Variants in VAV3 observed in about 807,000 individuals in gnomAD.
VAV3 encodes the protein vav guanine nucleotide exchange factor 3.
VAV3 carries 94 observed loss-of-function variants against 131.2 expected under a neutral mutation model. The ratio of observed to expected loss-of-function variants is 0.72; its 90% confidence interval spans 0.61 to 0.85. The LOEUF is 0.85. Ranked by LOEUF, VAV3 falls within the 40% of genes least tolerant of loss-of-function variation. The pLI is 0.00. For missense variants in VAV3, 939 were observed against 1,002.7 expected (o/e 0.94, Z 0.86); for synonymous variants, 349 against 342.0 (o/e 1.02, Z -0.22).
At chr1:107,667,589 GATT>G (rs1657502058) in intron 19 of VAV3, among the ~76,000 whole-genome samples, 1 of 151,748 alleles carries the variant, frequency 6.6e-6, no homozygotes, top group African/African-American at 2.4e-5. Context: ...TTTATGTTAG[GATT>G]ATTATACACA....
chr1:107,657,927 C>T (rs1192790328), intron 19 of VAV3, among the ~76,000 whole-genome samples: 1 of 152,028 alleles, frequency 6.6e-6, no homozygotes, highest in African/African-American at 2.4e-5. Context: ...ATTAGTACAG[C>T]CATACGAGAG....
At chr1:107,849,242 C>CAA (rs201705921) in intron 2 of VAV3, among the ~76,000 whole-genome samples, 12 of 134,394 alleles carry the variant, frequency 8.9e-5, no homozygotes, top group Non-Finnish European at 1.3e-4. Flanking sequence ...CATATGCAAC[C>CAA]AAAAAAAAAA....
At chr1:107,727,559 CCAATTA>C (rs1211125836) in intron 15 of VAV3, among the ~76,000 whole-genome samples, 1 of 152,144 alleles carries the variant, frequency 6.6e-6, no homozygotes, top group African/African-American at 2.4e-5. Flanking sequence ...AATTTAAAAA[CCAATTA>C]CAAACAGTCT....
At chr1:107,639,311 A>G (rs1374903812) in intron 20 of VAV3, among the ~76,000 whole-genome samples, 3 of 152,150 alleles carry the variant, frequency 2.0e-5, no homozygotes, top group Non-Finnish European at 4.4e-5. Flanking sequence ...CCATATAAAG[A>G]ACAAATTAAC....
chr1:107,933,259 GGTGGTGGT>G (rs1430162317), intron 1 of VAV3, among the ~76,000 whole-genome samples: 1 of 150,698 alleles, frequency 6.6e-6, no homozygotes, highest in African/African-American at 2.4e-5. Context: ...TAATTTGGTT[GGTGGTGGT>G]GTGGTGGTTT....
intron 15 of VAV3, among the ~76,000 whole-genome samples, chr1:107,725,230 T>C (rs1661769081): frequency 2.0e-5 from 3 of 152,128 alleles, no homozygotes; most frequent in Admixed American, 2.0e-4. Context: ...AAGCTAACAG[T>C]AGCCCAGGAG....
At chr1:107,682,601 T>C (rs1658720185) in intron 19 of VAV3, among the ~76,000 whole-genome samples, 1 of 152,160 alleles carries the variant, frequency 6.6e-6, no homozygotes, top group Non-Finnish European at 1.5e-5. Context: ...CTCCTATAAA[T>C]CTTAAACAGC....
chr1:107,857,226 G>A (rs528372882), intron 2 of VAV3, among the ~76,000 whole-genome samples: 5 of 152,044 alleles, frequency 3.3e-5, no homozygotes, highest in Admixed American at 2.0e-4. Context: ...AGAAAAACAC[G>A]AAAAGGCTAC....
rs1461489676 is a variant in VAV3, at chr1:107,965,028, G to A, written c.-159C>T. On this transcript the variant is annotated 5_prime_UTR_variant, in exon 1 of 27. Transcript: ENST00000370056. ...GCAGGAGCCGCGGCTGACGGGTCGCGGGCGCCGCGCTAGGCTCGGCTCCGG... is the reference window on the plus strand; with the variant it reads ...GCAGGAGCCGCGGCTGACGGGTCGCAGGCGCCGCGCTAGGCTCGGCTCCGG... 1.3e-5 allele frequency: 6 copies of A among 448,154 alleles called. No individual in the cohort carries two copies. Among genetic ancestry groups the A allele is most frequent in the African/African-American group, 2.1e-5 (1 of 46,684 alleles). 27.8% of individuals were successfully genotyped at this position (448,154 alleles called of 1,614,324 possible). A position where few individuals can be genotyped will look rare whatever the true frequency, so the allele number is the denominator to read the frequency against.
At chr1:107,910,507 A>AG (rs983487176) in intron 1 of VAV3, among the ~76,000 whole-genome samples, 34 of 152,394 alleles carry the variant, frequency 2.2e-4, no homozygotes, top group African/African-American at 7.7e-4. Flanking sequence ...GACAGCTGAC[A>AG]GCAAGGGAAA....
At chr1:107,915,060 C>A (rs959464257) in intron 1 of VAV3, among the ~76,000 whole-genome samples, 38 of 152,164 alleles carry the variant, frequency 2.5e-4, no homozygotes, top group Admixed American at 2.4e-3. Flanking sequence ...GTAGGCCCAA[C>A]TAGGGACTCA....
chr1:107,760,796 G>A lies in VAV3; in HGVS notation c.1005C>T (p.His335=), dbSNP rs1374137186. 2.5e-6 allele frequency: 4 copies of A among 1,611,750 alleles called. No individual in the cohort carries two copies. Among genetic ancestry groups the A allele is most frequent in the Non-Finnish European group, 3.4e-6 (4 of 1,178,264 alleles). The change falls in exon 10 of 27, where the codon CAC becomes CAT. Residue 335 remains histidine (H), a synonymous_variant. Coordinates refer to ENST00000370056, the MANE Select transcript of VAV3 (RefSeq NM_006113.5). ...TTAAGTTACATACCTGGAGGAGAAG[G>A]TGGTACTTTAAAACACGTTGCATAG... is the stretch of plus-strand genomic sequence containing the variant. ...VVPMQRVLKY[H]LLLQELVKHT...
chr1:107,806,309 G>C (rs1557858591), intron 2 of VAV3, among the ~76,000 whole-genome samples: 1 of 152,034 alleles, frequency 6.6e-6, no homozygotes, highest in Non-Finnish European at 1.5e-5. Flanking sequence ...GGGCTGACTG[G>C]GGGAAAAGGC....
chr1:107,934,841 T>C (rs1673629327), intron 1 of VAV3, among the ~76,000 whole-genome samples: 1 of 152,234 alleles, frequency 6.6e-6, no homozygotes, highest in Non-Finnish European at 1.5e-5. Flanking sequence ...GAAAAGCACA[T>C]GCTAAACAAA....
At chr1:107,718,378 G>T (rs550985655) in intron 15 of VAV3, among the ~76,000 whole-genome samples, 409 of 152,046 alleles carry the variant, frequency 2.7e-3, no homozygotes, top group East Asian at 8.9e-3. Context: ...ACAAAATCAA[G>T]GCGCAAAAAT....
chr1:107,924,755 A>G (rs76614740), intron 1 of VAV3, among the ~76,000 whole-genome samples: 5,053 of 152,058 alleles, frequency 0.033, 117 homozygotes, highest in South Asian at 0.13. Context: ...CCATTGGGGG[A>G]AAAAAAACTG....
At position 107,937,779 on chromosome 1, in the gene VAV3, A is replaced by C. The variant is rs192437355; in HGVS notation, c.204+26887T>G. ...ACTCTGGTTAAGGCTTGTAGTCCCAATTATTAACACAATATAATGACTGCA... is the reference window on the plus strand; with the variant it reads ...ACTCTGGTTAAGGCTTGTAGTCCCACTTATTAACACAATATAATGACTGCA... On this transcript the variant is annotated intron_variant, in intron 1 of 26. Transcript: ENST00000370056. 7.9e-5 allele frequency among the ~76,000 whole-genome samples: 12 copies of C among 152,332 alleles called. 1 individual carries two copies. The highest frequency in any genetic ancestry group is 7.8e-4 in the Admixed American group (12 of 15,298).
intron 1 of VAV3, among the ~76,000 whole-genome samples, chr1:107,961,167 G>A (rs1482132615): frequency 3.9e-5 from 6 of 152,106 alleles, no homozygotes; most frequent in Admixed American, 2.0e-4. Context: ...ACTGTCCATA[G>A]TGGCCACTAA....
intron 19 of VAV3, among the ~76,000 whole-genome samples, chr1:107,681,809 AC>A (rs1405089702): frequency 6.7e-6 from 1 of 150,218 alleles, no homozygotes; most frequent in African/African-American, 2.5e-5. Context: ...ACCCGCCACC[AC>A]CCCCAGCTAT....
Sources: allele counts gnomAD v4.1 joint callset (sites outside exome capture counted in the v4.1 genomes callset), GRCh38; gene constraint gnomAD v4.1.1; transcripts MANE v1.5; gene names NCBI Gene and HGNC (gene_info 2026-07-23, HGNC 2026-07-21).